Variants in SLC25A26 observed in about 807,000 individuals in gnomAD.
SLC25A26 encodes the protein solute carrier family 25 member 26.
In SLC25A26, 36 loss-of-function variants were observed where a neutral mutation model predicts 37.8. The observed-to-expected ratio is 0.95, with a 90% CI of 0.73 to 1.26. The LOEUF (loss-of-function observed/expected upper bound fraction) is 1.26, where lower values mean the gene tolerates loss of function less well. SLC25A26 is among the 50% of genes most tolerant of loss of function. The pLI is 0.00. For missense variants in SLC25A26, 390 were observed against 331.1 expected (o/e 1.18, Z -1.38); for synonymous variants, 129 against 122.5 (o/e 1.05, Z -0.35).
chr3:66,334,860 G>A (rs551801332), intron 5 of SLC25A26, among the ~76,000 whole-genome samples: 1 of 151,978 alleles, frequency 6.6e-6, no homozygotes, highest in South Asian at 2.1e-4. Context: ...TGTTGTTACT[G>A]CAGCAAAGCT....
intron 7 of SLC25A26, among the ~76,000 whole-genome samples, chr3:66,366,848 C>T: frequency 6.6e-6 from 1 of 152,196 alleles, no homozygotes; most frequent in South Asian, 2.1e-4. Flanking sequence ...TGTGACAGTC[C>T]CAGGTCCCGC....
chr3:66,370,063 A>G (rs781476820), intron 8 of SLC25A26, among the ~76,000 whole-genome samples: 1 of 152,270 alleles, frequency 6.6e-6, no homozygotes, highest in Admixed American at 6.5e-5. Context: ...GTGGAAAAGT[A>G]GAACAAATAA....
At position 66,274,532 on chromosome 3, in the gene SLC25A26, A is replaced by G. The variant is rs533853034; in HGVS notation, c.453+11153A>G. Among the ~76,000 whole-genome samples the G allele has an allele frequency of 3.9e-5, 6 of 152,340 alleles. 1 individual carries two copies. In the South Asian group the frequency reaches 1.0e-3, roughly 26 times the overall value. ...AAAGGGCTAATATCCGGAATCTACA[A>G]TGAACTCAAACAAATTTACAAGAAA... On this transcript the variant is annotated intron_variant, in intron 5 of 9. Coordinates refer to ENST00000354883, the MANE Select transcript of SLC25A26 (RefSeq NM_001379210.1).
At chr3:66,221,788 G>A (rs1001249226) in intron 1 of SLC25A26, among the ~76,000 whole-genome samples, 2 of 150,282 alleles carry the variant, frequency 1.3e-5, no homozygotes, top group African/African-American at 4.9e-5. Flanking sequence ...TCTGGTAGAG[G>A]ATACTAGATA....
At chr3:66,160,509 A>C (rs917051569) in intron 1 of SLC25A26, among the ~76,000 whole-genome samples, 1 of 152,244 alleles carries the variant, frequency 6.6e-6, no homozygotes, top group Non-Finnish European at 1.5e-5. Flanking sequence ...TGTGAAGGGG[A>C]TGCATCTATT....
chr3:66,227,963 A>G (rs1479256602), intron 1 of SLC25A26, among the ~76,000 whole-genome samples: 2 of 152,158 alleles, frequency 1.3e-5, no homozygotes, highest in Non-Finnish European at 2.9e-5. Flanking sequence ...CTAGTTTTCA[A>G]TTTGGAGTAA....
chr3:66,330,704 A>G (rs1347771652), intron 5 of SLC25A26, among the ~76,000 whole-genome samples: 5 of 152,084 alleles, frequency 3.3e-5, no homozygotes, highest in Non-Finnish European at 7.4e-5. Context: ...AACTGCTGAA[A>G]CATCCACACA....
intron 9 of SLC25A26, among the ~76,000 whole-genome samples, chr3:66,374,173 T>C (rs1700504427): frequency 6.6e-6 from 1 of 152,268 alleles, no homozygotes; most frequent in Non-Finnish European, 1.5e-5. Flanking sequence ...TTTTGTTTAA[T>C]TGCACTTCTC....
At chr3:66,240,895 G>A (rs1320928914) in intron 2 of SLC25A26, among the ~76,000 whole-genome samples, 2 of 151,544 alleles carry the variant, frequency 1.3e-5, no homozygotes, top group African/African-American at 4.8e-5. Context: ...ACAGGCACCC[G>A]CCACCACACC....
intron 1 of SLC25A26, among the ~76,000 whole-genome samples, chr3:66,143,566 T>C (rs2070068786): frequency 6.6e-6 from 1 of 151,958 alleles, no homozygotes; most frequent in East Asian, 1.9e-4. Flanking sequence ...TGATGCAAAA[T>C]GCAAATGAGG....
intron 5 of SLC25A26, among the ~76,000 whole-genome samples, chr3:66,341,869 C>T (rs962380050): frequency 6.6e-6 from 1 of 152,032 alleles, no homozygotes; most frequent in African/African-American, 2.4e-5. Context: ...GGAATTCTTT[C>T]CTGCTATGTT....
intron 5 of SLC25A26, among the ~76,000 whole-genome samples, chr3:66,293,371 C>T (rs2074781610): frequency 6.6e-6 from 1 of 150,690 alleles, no homozygotes; most frequent in South Asian, 2.1e-4. Context: ...TTTGTTAATT[C>T]TTTTTTTTTA....
At chr3:66,317,970 G>A (rs894458707) in intron 5 of SLC25A26, among the ~76,000 whole-genome samples, 1 of 152,186 alleles carries the variant, frequency 6.6e-6, no homozygotes, top group Non-Finnish European at 1.5e-5. Flanking sequence ...CTGGTGGCAG[G>A]GGAAAACAGC....
intron 6 of SLC25A26, among the ~76,000 whole-genome samples, chr3:66,352,442 G>GTTTTTT (rs58389048): frequency 5.4e-5 from 7 of 128,968 alleles, no homozygotes; most frequent in South Asian, 2.4e-4. Flanking sequence ...TTTGTTTTTT[G>GTTTTTT]TTTTTTTTTT....
At chr3:66,277,318 T>C (rs2074187110) in intron 5 of SLC25A26, among the ~76,000 whole-genome samples, 1 of 152,124 alleles carries the variant, frequency 6.6e-6, no homozygotes, top group Non-Finnish European at 1.5e-5. Context: ...TGTAAATATG[T>C]ATAATGTATC....
intron 1 of SLC25A26, among the ~76,000 whole-genome samples, chr3:66,182,465 T>C (rs139122715): frequency 0.17 from 25,273 of 152,130 alleles, 2,369 homozygotes; most frequent in African/African-American, 0.24. Flanking sequence ...CATCACCGTG[T>C]ATTTTTAGCC....
intron 8 of SLC25A26, 110 bp downstream of exon 8, chr3:66,369,652 C>A: frequency 1.1e-6 from 1 of 902,324 alleles, no homozygotes; most frequent in South Asian, 1.6e-5. Context: ...CCTGTAATAG[C>A]ATCTTATGCT....
intron 1 of SLC25A26, among the ~76,000 whole-genome samples, chr3:66,153,918 G>A (rs531455044): frequency 6.6e-6 from 1 of 152,336 alleles, no homozygotes; most frequent in East Asian, 1.9e-4. Context: ...TCACAGCTCT[G>A]AGAAGGTTAT....
At chr3:66,299,469 T>C (rs2075008315) in intron 5 of SLC25A26, among the ~76,000 whole-genome samples, 1 of 152,126 alleles carries the variant, frequency 6.6e-6, no homozygotes, top group Admixed American at 6.6e-5. Context: ...GGATTATAAG[T>C]GTGAGCCGAT....
Sources: gnomAD v4.1 joint callset for allele counts (sites outside exome capture counted in the v4.1 genomes callset) on GRCh38, gnomAD v4.1.1 for gene constraint, MANE v1.5 for transcripts, NCBI Gene and HGNC (gene_info 2026-07-23, HGNC 2026-07-21) for gene names.